The following TMEM132D variants were observed in gnomAD, a reference collection of about 807,000 sequenced individuals.
TMEM132D encodes the protein mature OL transmembrane protein.
Under a neutral mutation model 62.3 loss-of-function variants are expected in TMEM132D, and 21 were observed. The ratio of observed to expected loss-of-function variants is 0.34; its 90% CI spans 0.24 to 0.49. The LOEUF (loss-of-function observed/expected upper bound fraction) is 0.49. TMEM132D is among the 20% of genes least tolerant of loss of function. The pLI, the probability that TMEM132D is intolerant of heterozygous loss-of-function variation, is 0.99. For synonymous variants in TMEM132D, 621 were observed against 575.6 expected (o/e 1.08, Z -1.13); for missense variants, 1,346 against 1,402.8 (o/e 0.96, Z 0.65).
intron 2 of TMEM132D, among the ~76,000 whole-genome samples, chr12:129,552,532 T>C (rs189775491): frequency 1.3e-5 from 2 of 148,316 alleles, no homozygotes; most frequent in East Asian, 3.9e-4. Flanking sequence ...ACCTAGCATC[T>C]AACTACCTAC....
chr12:129,090,231 C>T (rs1218612062), intron 5 of TMEM132D, among the ~76,000 whole-genome samples: 5 of 152,152 alleles, frequency 3.3e-5, no homozygotes, highest in Admixed American at 3.3e-4. Flanking sequence ...GGCACATGCT[C>T]CAGTGGCTTT....
intron 3 of TMEM132D, among the ~76,000 whole-genome samples, chr12:129,493,981 A>T (rs1488297545): frequency 6.6e-6 from 1 of 152,210 alleles, no homozygotes; most frequent in Non-Finnish European, 1.5e-5. Flanking sequence ...GTATAATGTC[A>T]AATGGGCATT....
intron 2 of TMEM132D, among the ~76,000 whole-genome samples, chr12:129,568,748 T>C (rs375697765): frequency 2.0e-5 from 3 of 152,240 alleles, no homozygotes; most frequent in South Asian, 2.1e-4. Context: ...TAATGGTATG[T>C]TTGAAGATAA....
At chr12:129,822,339 G>A (rs1270687370) in intron 1 of TMEM132D, among the ~76,000 whole-genome samples, 1 of 152,112 alleles carries the variant, frequency 6.6e-6, no homozygotes, top group African/African-American at 2.4e-5. Flanking sequence ...AAACAGCTGG[G>A]ACTTATTACA....
At chr12:129,209,865 GC>G (rs1248952388) in intron 4 of TMEM132D, 23 of 655,080 alleles carry the variant, frequency 3.5e-5, no homozygotes, top group African/African-American at 5.5e-5. Context: ...TTTCCACAGG[GC>G]AACTATGATG....
intron 5 of TMEM132D, among the ~76,000 whole-genome samples, chr12:129,190,037 G>A (rs562344567): frequency 3.9e-5 from 6 of 151,930 alleles, no homozygotes; most frequent in Admixed American, 6.6e-5. Context: ...CACGGCTGGC[G>A]CTGAAGATGC....
chr12:129,798,735 CAGGGTT>C (rs1871644872), intron 1 of TMEM132D, among the ~76,000 whole-genome samples: 2 of 14,278 alleles, frequency 1.4e-4, no homozygotes, highest in Admixed American at 1.4e-3. Context: ...AGAAGGAAGT[CAGGGTT>C]CTGGCTTAGA....
chr12:129,279,739 C>T (rs376519526), intron 4 of TMEM132D, among the ~76,000 whole-genome samples: 1 of 152,144 alleles, frequency 6.6e-6, no homozygotes, highest in East Asian at 1.9e-4. Flanking sequence ...CATTCTTCCC[C>T]CCAGCACTGC....
chr12:129,893,975 G>A (rs1875020623), intron 1 of TMEM132D, among the ~76,000 whole-genome samples: 1 of 152,158 alleles, frequency 6.6e-6, no homozygotes. Flanking sequence ...CACAGAAATG[G>A]GAAAGAAGCC....
chr12:129,733,029 C>T (rs1449650508), intron 1 of TMEM132D, among the ~76,000 whole-genome samples: 1 of 152,224 alleles, frequency 6.6e-6, no homozygotes, highest in African/African-American at 2.4e-5. Context: ...TCACCCACCC[C>T]TCTGACCTCA....
chr12:129,750,683 G>A (rs1325535581), intron 1 of TMEM132D, among the ~76,000 whole-genome samples: 2 of 152,174 alleles, frequency 1.3e-5, no homozygotes, highest in Admixed American at 6.5e-5. Flanking sequence ...AGGGTGGGAG[G>A]GGAGGAGCAG....
chr12:129,865,413 G>A (rs1403282785), intron 1 of TMEM132D, among the ~76,000 whole-genome samples: 2 of 152,058 alleles, frequency 1.3e-5, no homozygotes, highest in African/African-American at 4.8e-5. Flanking sequence ...ATTACACAAA[G>A]GCTTGGTTGT....
At chr12:129,311,659 G>C (rs907522557) in intron 4 of TMEM132D, among the ~76,000 whole-genome samples, 1 of 152,214 alleles carries the variant, frequency 6.6e-6, no homozygotes, top group Admixed American at 6.5e-5. Context: ...ATACAATGTT[G>C]TGAAGAAGTT....
At position 129,502,426 on chromosome 12, in the gene TMEM132D, G is replaced by C. The variant is rs186716865; in HGVS notation, c.1115+28633C>G. ...CTGATAGTCAGAACTGCAGCATGCT[G>C]TATAGGACTGCACATGGCAGAAGCC... On this transcript the variant is annotated intron_variant, in intron 3 of 8. Coordinates refer to ENST00000422113, the MANE Select transcript of TMEM132D (RefSeq NM_133448.3). 3.2e-4 allele frequency among the ~76,000 whole-genome samples: 49 copies of C among 152,234 alleles called. No homozygotes were observed. In the East Asian group the frequency reaches 7.2e-3, roughly 22 times the overall value.
At chr12:129,294,012 G>A (rs1881511573) in intron 4 of TMEM132D, among the ~76,000 whole-genome samples, 1 of 152,174 alleles carries the variant, frequency 6.6e-6, no homozygotes, top group Admixed American at 6.5e-5. Flanking sequence ...AAAACGAGCA[G>A]CATTTAGAAA....
intron 1 of TMEM132D, among the ~76,000 whole-genome samples, chr12:129,832,412 G>A (rs1444905781): frequency 6.6e-6 from 1 of 151,744 alleles, no homozygotes; most frequent in Non-Finnish European, 1.5e-5. Context: ...CTATAACATG[G>A]TATATAACAT....
rs996899800 is a variant in TMEM132D, at chr12:129,530,929, G to C, written c.1115+130C>G. The C allele has an allele frequency of 5.0e-5, 49 of 978,216 alleles. No individual in the cohort carries two copies. The African/African-American group carries it at 7.5e-4, about 15-fold the overall frequency. 60.6% of individuals were successfully genotyped at this position (978,216 alleles called of 1,614,324 possible). On this transcript the variant is annotated intron_variant, in intron 3 of 8. Coordinates refer to ENST00000422113, the MANE Select transcript of TMEM132D (RefSeq NM_133448.3). ...TTCCATTCATCTACCTGGAGGCCCT[G>C]ATAGAATAGACGACACACACCAAAT... is the stretch of plus-strand genomic sequence containing the variant.
chr12:129,143,659 C>A (rs962647334), intron 5 of TMEM132D, among the ~76,000 whole-genome samples: 2 of 152,118 alleles, frequency 1.3e-5, no homozygotes, highest in Admixed American at 6.6e-5. Context: ...AGATAAAAAC[C>A]AATACATGTA....
intron 1 of TMEM132D, among the ~76,000 whole-genome samples, chr12:129,720,077 G>C (rs1868764318): frequency 6.6e-6 from 1 of 152,114 alleles, no homozygotes; most frequent in Non-Finnish European, 1.5e-5. Flanking sequence ...AGGGATTCAT[G>C]TCAGACACAC....
Sources: allele counts gnomAD v4.1 joint callset (sites outside exome capture counted in the v4.1 genomes callset), GRCh38; gene constraint gnomAD v4.1.1; transcripts MANE v1.5; gene names NCBI Gene and HGNC (gene_info 2026-07-23, HGNC 2026-07-21).